RALGPS2: variants seen among roughly 807,000 people sequenced by gnomAD.
RALGPS2 encodes ras-specific guanine nucleotide-releasing factor RalGPS2.
Under a neutral mutation model 86.8 loss-of-function variants are expected in RALGPS2, and 43 were observed. The observed-to-expected ratio is 0.50, with a 90% confidence interval of 0.39 to 0.64. RALGPS2 has a LOEUF of 0.64. RALGPS2 is among the 30% of genes least tolerant of loss of function. RALGPS2 has a pLI of 0.00. For synonymous variants in RALGPS2, 243 were observed against 231.3 expected (o/e 1.05, Z -0.46); for missense variants, 536 against 694.6 (o/e 0.77, Z 2.57).
intron 8 of RALGPS2, among the ~76,000 whole-genome samples, chr1:178,871,880 GTTC>G (rs2102353135): frequency 6.6e-6 from 1 of 152,300 alleles, no homozygotes; most frequent in African/African-American, 2.4e-5. Flanking sequence ...CTCTGGCAAG[GTTC>G]TTCTGCTATG....
intron 8 of RALGPS2, among the ~76,000 whole-genome samples, chr1:178,871,364 G>GA (rs930543333): frequency 2.0e-4 from 29 of 148,516 alleles, no homozygotes; most frequent in Admixed American, 1.0e-3. Flanking sequence ...GTTGAATACC[G>GA]AAAAAAAAAA....
chr1:178,748,303 G>C (rs1296721388), intron 1 of RALGPS2, among the ~76,000 whole-genome samples: 3 of 149,004 alleles, frequency 2.0e-5, no homozygotes, highest in Non-Finnish European at 4.4e-5. Context: ...CTGGGCAACA[G>C]AGTGAGACTC....
chr1:178,917,672 T>C lies in RALGPS2; in HGVS notation c.*1313T>C, dbSNP rs908346320. 3.3e-5 allele frequency: 5 copies of C among 152,170 alleles called. No individual in the cohort carries two copies. The highest frequency in any genetic ancestry group is 6.5e-5 in the Admixed American group (1 of 15,276). 9.4% of individuals were successfully genotyped at this position (152,170 alleles called of 1,614,324 possible). A position where few individuals can be genotyped will look rare whatever the true frequency, so the allele number is the denominator to read the frequency against. ...TGACCAAGCAGTTTTATGAGAACTC[T>C]TCTATGCAATGATGCATTTAATTTC... On this transcript the variant is annotated 3_prime_UTR_variant, in exon 20 of 20. Coordinates refer to ENST00000367635, the MANE Select transcript of RALGPS2 (RefSeq NM_152663.5).
chr1:178,732,791 T>G (rs1650472736), intron 1 of RALGPS2, among the ~76,000 whole-genome samples: 1 of 152,046 alleles, frequency 6.6e-6, no homozygotes, highest in Non-Finnish European at 1.5e-5. Context: ...TCTTTGCAGG[T>G]AGAGATCATC....
At chr1:178,883,590 G>A in intron 11 of RALGPS2, 57 bp downstream of exon 11, 4 of 1,307,202 alleles carry the variant, frequency 3.1e-6, no homozygotes, top group Non-Finnish European at 4.4e-6. Context: ...TAATAAGGAA[G>A]AATATACTCC....
chr1:178,753,366 A>T (rs576730497), intron 1 of RALGPS2, among the ~76,000 whole-genome samples: 11 of 152,326 alleles, frequency 7.2e-5, no homozygotes, highest in African/African-American at 2.6e-4. Context: ...GAGACAAGTC[A>T]AATATTAAAA....
intron 1 of RALGPS2, among the ~76,000 whole-genome samples, chr1:178,754,301 A>G (rs773944298): frequency 5.9e-5 from 9 of 151,960 alleles, no homozygotes; most frequent in Non-Finnish European, 1.3e-4. Flanking sequence ...ATTACAAGGA[A>G]TTGGCTCACA....
At chr1:178,796,149 G>A (rs926835554) in intron 4 of RALGPS2, among the ~76,000 whole-genome samples, 2 of 152,086 alleles carry the variant, frequency 1.3e-5, no homozygotes, top group Non-Finnish European at 2.9e-5. Context: ...TGGTAGTGTA[G>A]GTGTATATGA....
chr1:178,915,525 G>A (rs978319641), intron 19 of RALGPS2, among the ~76,000 whole-genome samples: 2 of 152,144 alleles, frequency 1.3e-5, no homozygotes, highest in Non-Finnish European at 2.9e-5. Context: ...GTGAGCCACC[G>A]CACCCGGCCA....
Position 178,902,196 on chromosome 1 carries a change from A to C in RALGPS2, c.1615A>C (p.Thr539Pro), listed in dbSNP as rs1488507476. 6.2e-7 allele frequency: 1 copy of C among 1,612,050 alleles called. No homozygotes were observed. The highest frequency in any genetic ancestry group is 1.7e-5 in the Admixed American group (1 of 59,922). ...DPEHPDLFLL[T>P]DSEKGNSYKF... ...TGAACATCCTGATCTCTTCCTGCTG[A>C]CTGACTCTGAGAAAGGTGAATTGTT... is the stretch of plus-strand genomic sequence containing the variant. The change falls in exon 18 of 20, where the codon ACT becomes CCT. Residue 539 changes from threonine to proline, a missense_variant. Physicochemically the swap from Thr to Pro is conservative, Grantham distance 38 (BLOSUM62 -1). Transcript: ENST00000367635.
chr1:178,902,248 G>A lies in RALGPS2; in HGVS notation c.1630+37G>A, dbSNP rs142760992. 29 of 1,466,796 alleles carry A rather than the reference G, an allele frequency of 2.0e-5. No homozygotes were observed. In the Middle Eastern group the frequency reaches 7.0e-4, roughly 35 times the overall value. 90.9% of individuals were successfully genotyped at this position (1,466,796 alleles called of 1,614,324 possible). On this transcript the variant is annotated intron_variant, in intron 18 of 19. Transcript: ENST00000367635. Reference sequence around the variant, plus strand: ...GAATAACTGGGGCTTACGATACTGCGTATGTGTTTGTGTATATGTATGTAT... The same window carrying A: ...GAATAACTGGGGCTTACGATACTGCATATGTGTTTGTGTATATGTATGTAT...
intron 1 of RALGPS2, among the ~76,000 whole-genome samples, chr1:178,772,664 G>C (rs1374682027): frequency 6.6e-6 from 1 of 152,160 alleles, no homozygotes; most frequent in Non-Finnish European, 1.5e-5. Flanking sequence ...ATGTGGGACA[G>C]TTTACAAATG....
chr1:178,771,705 A>G (rs756821425), intron 1 of RALGPS2, among the ~76,000 whole-genome samples: 9 of 152,322 alleles, frequency 5.9e-5, no homozygotes, highest in Middle Eastern at 3.4e-3. Context: ...AAAAATTGTC[A>G]TAAACCTAGC....
intron 18 of RALGPS2, among the ~76,000 whole-genome samples, chr1:178,904,023 T>A (rs1459382046): frequency 6.6e-6 from 1 of 152,148 alleles, no homozygotes; most frequent in Non-Finnish European, 1.5e-5. Flanking sequence ...ACTGTTTTTT[T>A]ATTTTTTTTA....
intron 14 of RALGPS2, among the ~76,000 whole-genome samples, chr1:178,890,758 A>G (rs887704766): frequency 3.3e-5 from 5 of 151,932 alleles, no homozygotes; most frequent in Non-Finnish European, 4.4e-5. Flanking sequence ...TCTAATTATC[A>G]GTGTTCCCAA....
chr1:178,828,639 C>G lies in RALGPS2; in HGVS notation c.481-4785C>G, dbSNP rs773770559. Among the ~76,000 whole-genome samples, 16 of 152,278 alleles carry G rather than the reference C, an allele frequency of 1.1e-4. 1 individual carries two copies. Among genetic ancestry groups the G allele is most frequent in the South Asian group, 1.0e-3 (5 of 4,826 alleles). On this transcript the variant is annotated intron_variant, in intron 7 of 19. Transcript: ENST00000367635. ...TGAATAGACATTTCTCAAAAGAAAACATACACAAGTCCCACAGGTATATCA... is the reference window on the plus strand; with the variant it reads ...TGAATAGACATTTCTCAAAAGAAAAGATACACAAGTCCCACAGGTATATCA...
Position 178,842,839 on chromosome 1 carries a change from G to A in RALGPS2, c.607+9289G>A, listed in dbSNP as rs1355530979. On this transcript the variant is annotated intron_variant, in intron 8 of 19. Coordinates refer to ENST00000367635, the MANE Select transcript of RALGPS2 (RefSeq NM_152663.5). ...CAAACAACCCCATCAAAAAGTGGGC[G>A]AAGGACATGAACAGACACTTCTCAA... 1.4e-3 allele frequency among the ~76,000 whole-genome samples: 200 copies of A among 144,564 alleles called. 1 individual carries two copies. The highest frequency in any genetic ancestry group is 4.0e-3 in the African/African-American group (156 of 39,260). 94.8% of individuals were successfully genotyped at this position (144,564 alleles called of 152,430 possible). A position where few individuals can be genotyped will look rare whatever the true frequency, so the allele number is the denominator to read the frequency against.
At chr1:178,787,779 C>G (rs187675648) in intron 4 of RALGPS2, among the ~76,000 whole-genome samples, 166 of 152,206 alleles carry the variant, frequency 1.1e-3, no homozygotes, top group African/African-American at 3.5e-3. Context: ...ATCTCTACTC[C>G]CAACACCCCA....
chr1:178,891,225 C>T (rs956599345), intron 14 of RALGPS2, among the ~76,000 whole-genome samples: 1 of 151,976 alleles, frequency 6.6e-6, no homozygotes, highest in Admixed American at 6.6e-5. Context: ...TTTTCTTATG[C>T]CAAGTTTAAA....
Sources: allele counts gnomAD v4.1 joint callset (sites outside exome capture counted in the v4.1 genomes callset), GRCh38; gene constraint gnomAD v4.1.1; transcripts MANE v1.5; gene names NCBI Gene and HGNC (gene_info 2026-07-23, HGNC 2026-07-21).